Variants in LACTBL1 observed in about 807,000 individuals in gnomAD.
LACTBL1 encodes the protein lactamase beta like 1.
Under a neutral mutation model 39.6 loss-of-function variants are expected in LACTBL1, and 29 were observed. That is an observed-to-expected ratio of 0.73 (90% CI 0.55 to 1.00). LACTBL1 has a LOEUF of 1.00. LACTBL1 is among the 50% of genes least tolerant of loss of function. The pLI, the probability that LACTBL1 is intolerant of heterozygous loss-of-function variation, is 0.00. For missense variants in LACTBL1, 711 were observed against 748.5 expected (o/e 0.95, Z 0.59); for synonymous variants, 361 against 360.7 (o/e 1.00, Z -0.01).
upstream of LACTBL1, among the ~76,000 whole-genome samples, chr1:22,965,640 G>A (rs1354543232): frequency 1.3e-5 from 2 of 152,088 alleles, no homozygotes; most frequent in Non-Finnish European, 2.9e-5. Context: ...TTTGCTTGCT[G>A]TACCTTGTTC....
At chr1:22,967,479 C>T (rs11584359), upstream of LACTBL1, among the ~76,000 whole-genome samples, 18,650 of 151,794 alleles carry the variant, frequency 0.12, 1,511 homozygotes, top group Middle Eastern at 0.29. Flanking sequence ...GGGAGGTCGT[C>T]GAGGCTGCAG....
the LACTBL1 span, among the ~76,000 whole-genome samples, chr1:22,971,819 G>T: frequency 6.6e-6 from 1 of 152,314 alleles, no homozygotes; most frequent in East Asian, 1.9e-4. Context: ...GATAACAATT[G>T]TTCCTACATC....
At chr1:22,972,486 G>T in the LACTBL1 span, 1 of 952,976 alleles carries the variant, frequency 1.0e-6, no homozygotes. Context: ...GGGTAGACGA[G>T]GATGCGGGGG....
At chr1:22,958,378 C>T (rs1455459615) in intron 4 of LACTBL1, among the ~76,000 whole-genome samples, 1 of 152,230 alleles carries the variant, frequency 6.6e-6, no homozygotes, top group Non-Finnish European at 1.5e-5. Context: ...AGCCACTGAG[C>T]CTGGCCACAT....
upstream of LACTBL1, among the ~76,000 whole-genome samples, chr1:22,968,928 C>A (rs187127769): frequency 2.4e-3 from 367 of 152,196 alleles, 2 homozygotes; most frequent in Non-Finnish European, 3.7e-3. Flanking sequence ...CAGGCTGGAG[C>A]GCAGTGATGT....
upstream of LACTBL1, among the ~76,000 whole-genome samples, chr1:22,966,013 A>G (rs149660629): frequency 1.3e-4 from 20 of 152,330 alleles, no homozygotes; most frequent in Non-Finnish European, 2.9e-4. Context: ...TCTAAAATTG[A>G]TTATGGTGCT....
At chr1:22,972,789 A>C in the LACTBL1 span, 9 of 848,948 alleles carry the variant, frequency 1.1e-5, no homozygotes, top group Non-Finnish European at 1.3e-5. Context: ...AGAAGGTACC[A>C]GCAAGAACAG....
the LACTBL1 span, among the ~76,000 whole-genome samples, chr1:22,971,741 TGCCGTTACTAG>T: frequency 6.6e-6 from 1 of 152,260 alleles, no homozygotes; most frequent in Non-Finnish European, 1.5e-5. Context: ...ACTCTGGCTC[TGCCGTTACTAG>T]TTCTGGACAA....
chr1:22,953,675 G>C, exon 6 of LACTBL1: 1 of 1,279,446 alleles, frequency 7.8e-7, no homozygotes, highest in Non-Finnish European at 9.8e-7. Flanking sequence ...TAGGCGCCCG[G>C]GCAGGCCAGC....
the LACTBL1 span, chr1:22,972,283 G>C: frequency 1.0e-6 from 1 of 984,872 alleles, no homozygotes; most frequent in Non-Finnish European, 1.2e-6. Context: ...CATGGTGACA[G>C]CTTCTTGAGG....
In LACTBL1 at chr1:22,958,517, G is replaced by A. The variant is rs139115996; in HGVS notation, c.553+168C>T. The stretch of plus-strand genomic sequence containing the variant: ...CAGGCTTCAGTTCAGCTTTTACCTC[G>A]AGAGATGTTTCTTTCCCTGGCCCAC... On this transcript the variant is annotated intron_variant, in intron 4 of 5. Coordinates refer to ENST00000426928, the Ensembl canonical transcript of LACTBL1. Among the ~76,000 whole-genome samples the A allele has an allele frequency of 2.0e-4, 31 of 152,332 alleles. No homozygotes were observed. The East Asian group carries it at 5.2e-3, about 26-fold the overall frequency.
Position 22,953,321 on chromosome 1 carries a change from G to A in LACTBL1, c.1363C>T (p.Gln455Ter). 8.2e-7 allele frequency: 1 copy of A among 1,225,710 alleles called. No homozygotes were observed. The allele number at this position is 1,225,710 out of a possible 1,614,324, so 75.9% of individuals were successfully genotyped here. A position where few individuals can be genotyped will look rare whatever the true frequency, so the allele number is the denominator to read the frequency against. ...AGCGCCTCCACGCGCGGCCCGAACTGGCGCAGGCGCAGCTCGCCCGCCGGC... is the reference window on the plus strand; with the variant it reads ...AGCGCCTCCACGCGCGGCCCGAACTAGCGCAGGCGCAGCTCGCCCGCCGGC... The change falls in exon 6 of 6, where the codon CAG (glutamine) becomes TAG (stop). Residue 455 changes from glutamine to a stop codon, truncating the protein, a stop_gained. Transcript: ENST00000426928. LOFTEE classifies it high-confidence loss of function.
rs562090053 is a variant in LACTBL1 at position 22,960,823 on chromosome 1, A to T, written c.160-724T>A. Among the ~76,000 whole-genome samples the T allele has an allele frequency of 9.2e-5, 14 of 152,214 alleles. No homozygotes were observed. In the South Asian group the frequency reaches 2.3e-3, roughly 25 times the overall value. ...TAGATGAAGTCTCACCATGTCACCCAGGCTAGAGTGCAGTGGCTCAAGCAC... is the reference window on the plus strand; with the variant it reads ...TAGATGAAGTCTCACCATGTCACCCTGGCTAGAGTGCAGTGGCTCAAGCAC... On this transcript the variant is annotated intron_variant, in intron 2 of 5. Transcript: ENST00000426928.
the LACTBL1 span, among the ~76,000 whole-genome samples, chr1:22,970,875 A>G: frequency 6.6e-5 from 10 of 152,118 alleles, no homozygotes; most frequent in Non-Finnish European, 1.3e-4. Flanking sequence ...TGATACCTCA[A>G]TTGTTATAAA....
At chr1:22,953,714 C>T in exon 6 of LACTBL1, 11 of 1,326,550 alleles carry the variant, frequency 8.3e-6, no homozygotes, top group Non-Finnish European at 1.1e-5. Flanking sequence ...TTGGCCGCGT[C>T]GGGCCGCAGG....
At chr1:22,953,788 T>C in exon 6 of LACTBL1, 2 of 1,536,604 alleles carry the variant, frequency 1.3e-6, no homozygotes, top group East Asian at 2.5e-5. Context: ...GGCGGTAGAG[T>C]ACATCTGGCC....
exon 6 of LACTBL1, chr1:22,953,682 C>T (rs1640732039): frequency 7.7e-7 from 1 of 1,294,684 alleles, no homozygotes; most frequent in Non-Finnish European, 9.7e-7. Flanking sequence ...CCGGGCAGGC[C>T]AGCAGCGGCG....
intron 4 of LACTBL1, 92 bp from the exon 7 acceptor site, chr1:22,955,518 G>T: frequency 1.3e-6 from 1 of 760,878 alleles, no homozygotes; most frequent in Non-Finnish European, 2.2e-6. Context: ...TCCGTGAGTT[G>T]AGAGATAACA....
intron 1 of LACTBL1, 91 bp from the exon 4 acceptor site, chr1:22,963,307 A>G: frequency 1.5e-6 from 1 of 666,056 alleles, no homozygotes; most frequent in Non-Finnish European, 2.3e-6. Context: ...CAGTGCCTCA[A>G]GGACAGCCCT....
Sources: allele counts gnomAD v4.1 joint callset (sites outside exome capture counted in the v4.1 genomes callset), GRCh38; gene constraint gnomAD v4.1.1; transcripts MANE v1.5; gene names NCBI Gene and HGNC (gene_info 2026-07-23, HGNC 2026-07-21).